Variants in RUSC2 observed in about 807,000 individuals in gnomAD.
RUSC2 encodes AP-4 complex accessory subunit RUSC2.
A neutral mutation model predicts 122.2 loss-of-function variants in RUSC2; 34 were observed. The ratio of observed to expected loss-of-function variants is 0.28; its 90% CI spans 0.21 to 0.37. The LOEUF is 0.37. RUSC2 is among the 10% of genes least tolerant of loss of function. The pLI, the probability that RUSC2 is intolerant of heterozygous loss-of-function variation, is 1.00. For missense variants in RUSC2, 1,747 were observed against 1,952.4 expected (o/e 0.89, Z 1.98); for synonymous variants, 784 against 790.0 (o/e 0.99, Z 0.13).
At chr9:35,551,638 A>G (rs957550449) in intron 2 of RUSC2, among the ~76,000 whole-genome samples, 1 of 152,242 alleles carries the variant, frequency 6.6e-6, no homozygotes. Context: ...GCTCTGTTCC[A>G]TAAGTCTCCA....
chr9:35,555,264 A>C lies in RUSC2; in HGVS notation c.2219A>C (p.Gln740Pro), dbSNP rs1821986631. ...GCCCCACTGGCTGCCCCTGCTGCTC[A>C]AGTCTCAGTCCCAGCTCCCTCAGGG... ...QPAPLAAPAA[Q>P]VSVPAPSGEP... Residue 740 changes from glutamine (Q) to proline (P), a missense_variant, in exon 3 of 12, where the codon CAA becomes CCA. Gln to Pro is a moderately conservative substitution (Grantham distance 76, BLOSUM62 -1). Transcript: ENST00000361226. This position sits in a 1 kb window ranked among gnomAD's most constrained non-coding sequence, Gnocchi z 4.6. 1 of 1,613,288 alleles carries C rather than the reference A, an allele frequency of 6.2e-7. No individual in the cohort carries two copies. Among genetic ancestry groups the C allele is most frequent in the African/African-American group, 1.3e-5 (1 of 74,898 alleles).
Position 35,548,486 on chromosome 9 carries a change from G to A in RUSC2, c.1965G>A (p.Gly655=). Residue 655 remains glycine (G), a synonymous_variant, in exon 2 of 12, where the codon GGG becomes GGA. Transcript: ENST00000361226. This position sits in a 1 kb window ranked among gnomAD's most constrained non-coding sequence, Gnocchi z 4.5. ...TGGATCCAGGGCCTGCTCTCCCAGG[G>A]AGCCCAGCCAACAGCCATACCCAGA... is the stretch of plus-strand genomic sequence containing the variant. ...QLMDPGPALP[G]SPANSHTQRD... is the part of the protein sequence containing the mutation. The A allele has an allele frequency of 6.2e-7, 1 of 1,613,744 alleles. No individual in the cohort carries two copies. The highest frequency in any genetic ancestry group is 2.2e-5 in the East Asian group (1 of 44,880).
chr9:35,521,705 C>T (rs1821219003), intron 1 of RUSC2, among the ~76,000 whole-genome samples: 1 of 152,240 alleles, frequency 6.6e-6, no homozygotes, highest in African/African-American at 2.4e-5. Flanking sequence ...CGAAAGAGGA[C>T]TCTATATTAA....
chr9:35,542,776 C>G (rs575979427), intron 1 of RUSC2, among the ~76,000 whole-genome samples: 19 of 152,290 alleles, frequency 1.2e-4, no homozygotes, highest in South Asian at 6.2e-4. Flanking sequence ...CCAAGGGCTC[C>G]GTCATCTCCC....
chr9:35,544,915 C>T (rs562021768), intron 1 of RUSC2, among the ~76,000 whole-genome samples: 1 of 152,166 alleles, frequency 6.6e-6, no homozygotes, highest in East Asian at 1.9e-4. Context: ...TAATATCTGC[C>T]CTTCTACATC....
Position 35,555,809 on chromosome 9 carries a change from A to T in RUSC2, c.2656+108A>T. 2 of 1,468,836 alleles carry T rather than the reference A, an allele frequency of 1.4e-6. No homozygotes were observed. Among genetic ancestry groups the T allele is most frequent in the Middle Eastern group, 1.8e-4 (1 of 5,416 alleles). The allele number at this position is 1,468,836 out of a possible 1,614,324, so 91.0% of individuals were successfully genotyped here. ...CTCTCACCTGGGGCCAGAGGTTAGG[A>T]TGTCTGCATCCCTCCCTCAGCATCT... On this transcript the variant is annotated intron_variant, in intron 3 of 11. Transcript: ENST00000361226. The surrounding 1 kb of genome is among the most constrained non-coding windows in gnomAD (Gnocchi z 4.6).
intron 1 of RUSC2, among the ~76,000 whole-genome samples, chr9:35,524,629 A>G (rs764774014): frequency 1.3e-5 from 2 of 152,008 alleles, no homozygotes; most frequent in Non-Finnish European, 2.9e-5. Flanking sequence ...CTCCTATTTT[A>G]TGTTTTTGTT....
intron 1 of RUSC2, among the ~76,000 whole-genome samples, chr9:35,520,458 T>C (rs2132516505): frequency 6.6e-6 from 1 of 152,334 alleles, no homozygotes; most frequent in South Asian, 2.1e-4. Flanking sequence ...CTTCTGTAAT[T>C]CAATCTAGAT....
chr9:35,560,000 T>TG, intron 9 of RUSC2, 29 bp from the exon 10 acceptor site: 1 of 1,542,266 alleles, frequency 6.5e-7, no homozygotes, highest in Non-Finnish European at 8.8e-7. Context: ...GTTCTCTGTG[T>TG]GGATCAGTCC....
rs1821968928 is a variant in RUSC2, at chr9:35,554,620, GTGATGGATAAGCGGT to G, written c.2015-438_2015-424del. Among the ~76,000 whole-genome samples, 5 of 152,302 alleles carry G rather than the reference GTGATGGATAAGCGGT, an allele frequency of 3.3e-5. No individual in the cohort carries two copies. In the South Asian group the frequency reaches 1.0e-3, roughly 32 times the overall value. On this transcript the variant is annotated intron_variant, in intron 2 of 11. Transcript: ENST00000361226. ...GAAGTCATCGGAAAAAAGGAGAAAG[GTGATGGATAAGCGGT>G]TATAGCACATTTTAAGTGAAAGCAG...
Position 35,560,764 on chromosome 9 carries a change from G to A in RUSC2, c.4124G>A (p.Gly1375Glu), listed in dbSNP as rs535602676. Residue 1375 changes from glycine (G) to glutamate (E), a missense_variant, in exon 10 of 12, where the codon GGG (glycine) becomes GAG (glutamate). Coordinates refer to ENST00000361226, the MANE Select transcript of RUSC2 (RefSeq NM_014806.5). Reference sequence around the variant, plus strand: ...GCCTCGCCAGCAGAAAATGAGGAAGGGGCCTCAGAGCCTTCACCTGGAGGC... The same window carrying A: ...GCCTCGCCAGCAGAAAATGAGGAAGAGGCCTCAGAGCCTTCACCTGGAGGC... ...PAASPAENEE[G>E]ASEPSPGGIK... The A allele has an allele frequency of 2.6e-6, 4 of 1,538,558 alleles. No homozygotes were observed. The highest frequency in any genetic ancestry group is 3.5e-6 in the Non-Finnish European group (4 of 1,145,434).
At position 35,513,903 on chromosome 9, in the gene RUSC2, C is replaced by CATATATATATATATAT. The variant is rs3068511; in HGVS notation, c.-93+23752_-93+23767dup. 2.2e-3 allele frequency among the ~76,000 whole-genome samples: 229 copies of CATATATATATATATAT among 104,156 alleles called. 2 individuals carry two copies. The highest frequency in any genetic ancestry group is 2.8e-3 in the South Asian group (8 of 2,814). 68.3% of individuals were successfully genotyped at this position (104,156 alleles called of 152,430 possible). A position where few individuals can be genotyped will look rare whatever the true frequency, so the allele number is the denominator to read the frequency against. ...CTTTTGTAAATAGTGCTTCAACAAA[C>CATATATATATATATAT]ATATATATATATATATATATATATA... On this transcript the variant is annotated intron_variant, in intron 1 of 11. Coordinates refer to ENST00000361226, the MANE Select transcript of RUSC2 (RefSeq NM_014806.5).
intron 1 of RUSC2, among the ~76,000 whole-genome samples, chr9:35,515,187 T>G (rs1821080546): frequency 6.6e-6 from 1 of 152,042 alleles, no homozygotes; most frequent in African/African-American, 2.4e-5. Context: ...GAAAAGAGAC[T>G]TATTTGGCTA....
intron 1 of RUSC2, among the ~76,000 whole-genome samples, chr9:35,527,873 T>G (rs1019698366): frequency 6.6e-6 from 1 of 152,250 alleles, no homozygotes. Context: ...CTTCCCTGTT[T>G]CTGCTTAATG....
chr9:35,560,969 G>C lies in RUSC2; in HGVS notation c.4221G>C (p.Ser1407=). The change falls in exon 11 of 12, where the codon TCG becomes TCC. Residue 1407 remains serine (S), a synonymous_variant. Coordinates refer to ENST00000361226, the MANE Select transcript of RUSC2 (RefSeq NM_014806.5). ...REARPTNRLP[S]DWLSLDKSMF... ...CAGCTGCTGTCCCTAGGCTCCCCTCGGACTGGCTGAGCCTGGACAAGTCCA... is the reference window on the plus strand; with the variant it reads ...CAGCTGCTGTCCCTAGGCTCCCCTCCGACTGGCTGAGCCTGGACAAGTCCA... 6.2e-7 allele frequency: 1 copy of C among 1,614,008 alleles called. No homozygotes were observed. Among genetic ancestry groups the C allele is most frequent in the South Asian group, 1.1e-5 (1 of 91,058 alleles).
Position 35,561,235 on chromosome 9 carries a change from C to T in RUSC2, c.4404C>T (p.Phe1468=), listed in dbSNP as rs2131709391. The T allele has an allele frequency of 1.9e-6, 3 of 1,614,208 alleles. No individual in the cohort carries two copies. The South Asian group carries it at 3.3e-5, about 18-fold the overall frequency. ...CCACCGGCCCTGGACAGCTGAGCTT[C>T]CACAAAGGAGACATCCTACGAGTGC... The part of the protein sequence containing the change: ...HLATGPGQLS[F]HKGDILRVLG... The change falls in exon 12 of 12, where the codon TTC becomes TTT. Residue 1468 remains phenylalanine (F), a synonymous_variant. Coordinates refer to ENST00000361226, the MANE Select transcript of RUSC2 (RefSeq NM_014806.5).
Position 35,547,872 on chromosome 9 carries a change from C to T in RUSC2, c.1351C>T (p.Pro451Ser), listed in dbSNP as rs769623137. 1 of 1,614,214 alleles carries T rather than the reference C, an allele frequency of 6.2e-7. No homozygotes were observed. Among genetic ancestry groups the T allele is most frequent in the South Asian group, 1.1e-5 (1 of 91,084 alleles). ...CTCTGAGTATTACCTATTCCAGAAG[C>T]CAGAAGTCCAGCCAGAGGAACAAGA... The part of the protein sequence containing the change: ...QPSEYYLFQK[P>S]EVQPEEQEAV... Residue 451 changes from proline (P) to serine (S), a missense_variant, in exon 2 of 12, where the codon CCA (proline) becomes TCA (serine). Pro to Ser is a moderately conservative substitution (Grantham distance 74, BLOSUM62 -1). Transcript: ENST00000361226. The surrounding 1 kb of genome is among the most constrained non-coding windows in gnomAD (Gnocchi z 4.6).
chr9:35,560,035 T>C lies in RUSC2; in HGVS notation c.3395T>C (p.Ile1132Thr). ...FNHLYNHEDI[I>T]QTHYQPWGFL... is the part of the protein sequence containing the mutation. ...CCTCTCTCTTTTCCCCTAGACATCA[T>C]CCAGACCCACTACCAGCCCTGGGGC... Residue 1132 changes from isoleucine (I) to threonine (T), a missense_variant, in exon 10 of 12, where the codon ATC becomes ACC. Ile to Thr is a moderately conservative substitution (Grantham distance 89). Transcript: ENST00000361226. 6.3e-7 allele frequency: 1 copy of C among 1,596,656 alleles called. No individual in the cohort carries two copies.
intron 2 of RUSC2, among the ~76,000 whole-genome samples, chr9:35,554,425 C>T (rs1821964446): frequency 6.6e-6 from 1 of 152,158 alleles, no homozygotes; most frequent in Admixed American, 6.5e-5. Flanking sequence ...AAATATCTTA[C>T]TATGGTTCGA....
Sources: allele counts gnomAD v4.1 joint callset (sites outside exome capture counted in the v4.1 genomes callset), GRCh38; gene constraint gnomAD v4.1.1; non-coding constraint Gnocchi (gnomAD v3.1); transcripts MANE v1.5; gene names NCBI Gene and HGNC (gene_info 2026-07-23, HGNC 2026-07-21).